The following STARD13 variants were observed in gnomAD, a reference collection of about 807,000 sequenced individuals.
STARD13 encodes the protein stAR-related lipid transfer protein 13.
STARD13 carries 62 observed loss-of-function variants against 106.4 expected under a neutral mutation model. The ratio of observed to expected loss-of-function variants is 0.58; its 90% confidence interval spans 0.48 to 0.72. The LOEUF (loss-of-function observed/expected upper bound fraction) is 0.72, where lower values mean the gene tolerates loss of function less well. Among genes scored for constraint, STARD13 ranks in the 30% least tolerant of loss-of-function variants. The pLI, the probability that STARD13 is intolerant of heterozygous loss-of-function variation, is 0.00. For missense variants in STARD13, 1,387 were observed against 1,424.0 expected (o/e 0.97, Z 0.42); for synonymous variants, 565 against 553.0 (o/e 1.02, Z -0.31).
At chr13:33,396,168 A>G in the STARD13 span, among the ~76,000 whole-genome samples, 1 of 150,850 alleles carries the variant, frequency 6.6e-6, no homozygotes, top group African/African-American at 2.4e-5. Flanking sequence ...TTAGTTTTAA[A>G]ATTTTTTTGT....
intron 1 of STARD13, among the ~76,000 whole-genome samples, chr13:33,282,297 T>TA (rs1434680171): frequency 6.6e-6 from 1 of 152,120 alleles, no homozygotes; most frequent in Non-Finnish European, 1.5e-5. Context: ...ACCCCAGAAC[T>TA]AAAAAACAGG....
chr13:33,420,371 A>G, the STARD13 span, among the ~76,000 whole-genome samples: 2 of 152,234 alleles, frequency 1.3e-5, no homozygotes, highest in African/African-American at 2.4e-5. Flanking sequence ...CCATTACATA[A>G]TGGTAAAAGA....
At chr13:33,394,683 A>G in the STARD13 span, among the ~76,000 whole-genome samples, 2 of 152,242 alleles carry the variant, frequency 1.3e-5, no homozygotes, top group Admixed American at 1.3e-4. Flanking sequence ...TATCTTAACC[A>G]GACTCTCTTG....
At chr13:33,504,078 T>A in the STARD13 span, among the ~76,000 whole-genome samples, 2 of 152,164 alleles carry the variant, frequency 1.3e-5, no homozygotes, top group African/African-American at 2.4e-5. Flanking sequence ...CCAGTTAGAA[T>A]GGCGATCATT....
At chr13:33,297,327 C>T (rs1300027054) in intron 1 of STARD13, among the ~76,000 whole-genome samples, 1 of 152,238 alleles carries the variant, frequency 6.6e-6, no homozygotes, top group East Asian at 1.9e-4. Flanking sequence ...AGAATATTTA[C>T]TGAGCACCAA....
At chr13:33,243,756 T>G (rs948958991) in intron 1 of STARD13, among the ~76,000 whole-genome samples, 1 of 152,150 alleles carries the variant, frequency 6.6e-6, no homozygotes, top group Admixed American at 6.5e-5. Flanking sequence ...AACTTGGAGA[T>G]TCTCATATTA....
At chr13:33,392,329 G>A in the STARD13 span, among the ~76,000 whole-genome samples, 1 of 152,130 alleles carries the variant, frequency 6.6e-6, no homozygotes, top group African/African-American at 2.4e-5. Flanking sequence ...TATTGCCTTT[G>A]GATGTGAAGG....
chr13:33,128,777 T>G lies in STARD13; in HGVS notation c.1748+152A>C, dbSNP rs557991109. 141 of 709,644 alleles carry G rather than the reference T, an allele frequency of 2.0e-4. 1 individual carries two copies. In the African/African-American group the frequency reaches 2.2e-3, roughly 11 times the overall value. The allele number at this position is 709,644 out of a possible 1,614,324, so 44.0% of individuals were successfully genotyped here. Reference sequence around the variant, plus strand: ...CACCATGATACCTGTACAGAAGTCATACTTCTGTTCAAATAATTCCTAATC... The same window carrying G: ...CACCATGATACCTGTACAGAAGTCAGACTTCTGTTCAAATAATTCCTAATC... On this transcript the variant is annotated intron_variant, in intron 5 of 13. Transcript: ENST00000336934.
At chr13:33,282,143 TTC>T (rs991249803) in intron 1 of STARD13, among the ~76,000 whole-genome samples, 9 of 152,204 alleles carry the variant, frequency 5.9e-5, no homozygotes, top group South Asian at 2.1e-4. Context: ...CTTATTTCCA[TTC>T]TCTCTCTCTA....
the STARD13 span, among the ~76,000 whole-genome samples, chr13:33,507,609 T>A: frequency 6.6e-6 from 1 of 152,140 alleles, no homozygotes; most frequent in Admixed American, 6.6e-5. Flanking sequence ...AAGGCACATG[T>A]TAGGGGTGCT....
the STARD13 span, among the ~76,000 whole-genome samples, chr13:33,451,618 T>C: frequency 2.0e-5 from 3 of 152,122 alleles, no homozygotes; most frequent in Non-Finnish European, 4.4e-5. Context: ...TATGAGACAC[T>C]CAGTTGGGTC....
the STARD13 span, among the ~76,000 whole-genome samples, chr13:33,452,927 T>C: frequency 2.0e-5 from 3 of 152,222 alleles, no homozygotes; most frequent in African/African-American, 4.8e-5. Context: ...AAAGAAACTA[T>C]GGGAAAGGGT....
the STARD13 span, among the ~76,000 whole-genome samples, chr13:33,499,511 C>CTTCTTCTTCT: frequency 0.046 from 3,164 of 68,796 alleles, 713 homozygotes; most frequent in East Asian, 0.076. Flanking sequence ...TCTTCTTCTT[C>CTTCTTCTTCT]TTCTTTCTTT....
chr13:33,334,739 T>C (rs2077875066), intron 1 of STARD13, among the ~76,000 whole-genome samples: 1 of 152,132 alleles, frequency 6.6e-6, no homozygotes, highest in Non-Finnish European at 1.5e-5. Context: ...GCATAAGCCA[T>C]GAGCCTGAAA....
At chr13:33,624,591 A>T in the STARD13 span, among the ~76,000 whole-genome samples, 18,451 of 152,216 alleles carry the variant, frequency 0.12, 2,828 homozygotes, top group African/African-American at 0.36. Flanking sequence ...TCTAGCACAG[A>T]CTCAACCAAC....
chr13:33,226,752 A>G (rs1327127016), intron 1 of STARD13, among the ~76,000 whole-genome samples: 4 of 152,162 alleles, frequency 2.6e-5, no homozygotes, highest in African/African-American at 9.7e-5. Flanking sequence ...TACTTCTATT[A>G]TTCAGATAAG....
chr13:33,658,804 G>A, the STARD13 span, among the ~76,000 whole-genome samples: 1 of 152,188 alleles, frequency 6.6e-6, no homozygotes, highest in African/African-American at 2.4e-5. Flanking sequence ...GGCATGATTA[G>A]AGAGAGAGTT....
intron 1 of STARD13, among the ~76,000 whole-genome samples, chr13:33,297,367 T>A (rs931766364): frequency 2.0e-5 from 3 of 152,220 alleles, no homozygotes; most frequent in Admixed American, 6.5e-5. Flanking sequence ...AAGATAGAAC[T>A]TGCTATCTTT....
the STARD13 span, among the ~76,000 whole-genome samples, chr13:33,413,669 A>G: frequency 3.3e-5 from 5 of 152,104 alleles, no homozygotes; most frequent in East Asian, 9.6e-4. Context: ...ACAAAATCCC[A>G]CAATCCAATT....
Sources: gnomAD v4.1 joint callset for allele counts (sites outside exome capture counted in the v4.1 genomes callset) on GRCh38, gnomAD v4.1.1 for gene constraint, MANE v1.5 for transcripts, NCBI Gene and HGNC (gene_info 2026-07-23, HGNC 2026-07-21) for gene names.